ABHD17B: variants seen among roughly 807,000 people sequenced by gnomAD.
The protein encoded by ABHD17B is alpha/beta hydrolase domain-containing protein 17B.
ABHD17B carries 9 observed loss-of-function variants against 26.2 expected under a neutral mutation model. That is an observed-to-expected ratio of 0.34 (90% CI 0.21 to 0.60). The LOEUF (loss-of-function observed/expected upper bound fraction) is 0.60. Ranked by LOEUF, ABHD17B falls within the 20% of genes least tolerant of loss-of-function variation. The probability of loss-of-function intolerance (pLI) is 0.80; values close to 1 mark genes in which losing one functional copy is unlikely to be tolerated. For missense variants in ABHD17B, 224 were observed against 352.1 expected (o/e 0.64, Z 2.91); for synonymous variants, 127 against 122.3 (o/e 1.04, Z -0.25).
chr9:71,867,183 C>G (rs1825982745), intron 3 of ABHD17B, among the ~76,000 whole-genome samples, 177 bp from the exon 4 acceptor site: 1 of 152,128 alleles, frequency 6.6e-6, no homozygotes, highest in African/African-American at 2.4e-5. Context: ...ATACTCCCTA[C>G]CTTAAGATTA....
At chr9:71,894,738 A>G (rs1407126466) in intron 1 of ABHD17B, among the ~76,000 whole-genome samples, 1 of 152,166 alleles carries the variant, frequency 6.6e-6, no homozygotes, top group Non-Finnish European at 1.5e-5. Flanking sequence ...AGGTAGGAGA[A>G]TACTTGAGCC....
intron 1 of ABHD17B, among the ~76,000 whole-genome samples, chr9:71,900,386 C>T (rs944470618): frequency 6.6e-5 from 10 of 152,114 alleles, no homozygotes; most frequent in South Asian, 2.1e-4. Flanking sequence ...AATCAAGGTT[C>T]GGGGACGGTG....
intron 2 of ABHD17B, among the ~76,000 whole-genome samples, chr9:71,871,253 C>T (rs894834229): frequency 2.6e-5 from 4 of 152,108 alleles, no homozygotes; most frequent in Non-Finnish European, 4.4e-5. Context: ...CAGGAAAGAG[C>T]GAGGGAAACT....
At chr9:71,867,350 G>A (rs1007569664) in intron 3 of ABHD17B, among the ~76,000 whole-genome samples, 1 of 152,182 alleles carries the variant, frequency 6.6e-6, no homozygotes, top group Non-Finnish European at 1.5e-5. Context: ...TTTCAAGTAT[G>A]CGCTAATTTC....
chr9:71,873,200 A>G (rs2132134215), intron 2 of ABHD17B, among the ~76,000 whole-genome samples: 1 of 152,216 alleles, frequency 6.6e-6, no homozygotes, highest in African/African-American at 2.4e-5. Flanking sequence ...ATATTAAGGT[A>G]TCTGTTTATT....
rs1220216448 is a variant in ABHD17B at position 71,870,147 on chromosome 9, T to C, written c.583A>G (p.Thr195Ala). ...SAAVILHSPL[T>A]SGMRVAFPDT... Reference sequence around the variant, plus strand: ...GGAAAGGCAACTCGCATTCCCGAAGTCAGAGGAGAATGAAGAATAACAGCA... The same window carrying C: ...GGAAAGGCAACTCGCATTCCCGAAGCCAGAGGAGAATGAAGAATAACAGCA... The change falls in exon 3 of 4, where the codon ACT (threonine) becomes GCT (alanine). Residue 195 changes from threonine (T) to alanine (A), a missense_variant. Transcript: ENST00000333421. The C allele has an allele frequency of 6.2e-7, 1 of 1,614,058 alleles. No individual in the cohort carries two copies. Among genetic ancestry groups the C allele is most frequent in the East Asian group, 2.2e-5 (1 of 44,870 alleles).
At chr9:71,873,838 A>C (rs911783821) in intron 2 of ABHD17B, among the ~76,000 whole-genome samples, 21 of 152,200 alleles carry the variant, frequency 1.4e-4, no homozygotes, top group Non-Finnish European at 3.1e-4. Context: ...CAGCCTAAAA[A>C]ATTTTTTTAA....
Position 71,868,835 on chromosome 9 carries a change from C to T in ABHD17B, c.647+1248G>A, listed in dbSNP as rs376690662. On this transcript the variant is annotated intron_variant, in intron 3 of 3. Transcript: ENST00000333421. Reference sequence around the variant, plus strand: ...TCTCGAGTAGCTGGGATTACAGGCACGCATCACCATGCCTGGCTAATTTTT... The same window carrying T: ...TCTCGAGTAGCTGGGATTACAGGCATGCATCACCATGCCTGGCTAATTTTT... Among the ~76,000 whole-genome samples the T allele has an allele frequency of 1.1e-4, 17 of 152,186 alleles. 1 individual carries two copies. The highest frequency in any genetic ancestry group is 6.5e-4 in the Admixed American group (10 of 15,276).
chr9:71,897,061 T>C (rs968875301), intron 1 of ABHD17B, among the ~76,000 whole-genome samples: 2 of 152,236 alleles, frequency 1.3e-5, no homozygotes, highest in African/African-American at 2.4e-5. Flanking sequence ...GAAAGAATTT[T>C]AGGTGCCAAC....
At chr9:71,892,879 A>G (rs545490705) in intron 1 of ABHD17B, among the ~76,000 whole-genome samples, 61 of 152,198 alleles carry the variant, frequency 4.0e-4, no homozygotes, top group Non-Finnish European at 7.4e-4. Flanking sequence ...TGCAATTATC[A>G]CCAGATTTTA....
chr9:71,907,423 C>T (rs1827316619), intron 1 of ABHD17B, among the ~76,000 whole-genome samples: 1 of 152,054 alleles, frequency 6.6e-6, no homozygotes. Flanking sequence ...AGGAAGGATG[C>T]ATGTCAACTT....
At chr9:71,888,388 A>T (rs1181069219) in intron 1 of ABHD17B, among the ~76,000 whole-genome samples, 1 of 152,188 alleles carries the variant, frequency 6.6e-6, no homozygotes, top group Non-Finnish European at 1.5e-5. Context: ...CCTCAAACTC[A>T]AAGTTCATAG....
intron 1 of ABHD17B, among the ~76,000 whole-genome samples, chr9:71,895,408 C>T (rs1202482444): frequency 6.6e-6 from 1 of 152,148 alleles, no homozygotes; most frequent in Non-Finnish European, 1.5e-5. Context: ...ACTTACTTGC[C>T]TAAAGACTAT....
At chr9:71,910,144 T>C (rs1337240005) in intron 1 of ABHD17B, among the ~76,000 whole-genome samples, 1 of 151,918 alleles carries the variant, frequency 6.6e-6, no homozygotes, top group Non-Finnish European at 1.5e-5. Context: ...GCAGATTCAA[T>C]CTAAAATCGC....
Position 71,882,430 on chromosome 9 carries a change from G to A in ABHD17B, c.-3-7347C>T, listed in dbSNP as rs370798595. On this transcript the variant is annotated intron_variant, in intron 1 of 3. Transcript: ENST00000333421. ...TCCCAGTACTTTGGGAGGCCAAGGC[G>A]GGAGAATCCCCTGAGTTCAGGAGTT... Among the ~76,000 whole-genome samples the A allele has an allele frequency of 5.7e-3, 871 of 152,304 alleles. 7 individuals carry two copies. Among genetic ancestry groups the A allele is most frequent in the African/African-American group, 0.019 (806 of 41,572 alleles).
intron 1 of ABHD17B, among the ~76,000 whole-genome samples, chr9:71,899,791 A>G (rs1481579549): frequency 6.6e-6 from 1 of 152,082 alleles, no homozygotes; most frequent in Non-Finnish European, 1.5e-5. Context: ...TTTCGGGGAC[A>G]TCATATCCTA....
At chr9:71,905,667 A>G (rs371182435) in intron 1 of ABHD17B, among the ~76,000 whole-genome samples, 1 of 152,184 alleles carries the variant, frequency 6.6e-6, no homozygotes, top group Non-Finnish European at 1.5e-5. Context: ...TTTGGCTACT[A>G]TAATGAATGA....
Position 71,874,815 on chromosome 9 carries a change from T to G in ABHD17B, c.266A>C (p.Asn89Thr). 1 of 1,614,228 alleles carries G rather than the reference T, an allele frequency of 6.2e-7. No individual in the cohort carries two copies. Among genetic ancestry groups the G allele is most frequent in the Non-Finnish European group, 8.5e-7 (1 of 1,180,038 alleles). Residue 89 changes from asparagine (N) to threonine (T), a missense_variant, in exon 2 of 4, where the codon AAT (asparagine) becomes ACT (threonine). Physicochemically the swap from Asn to Thr is moderately conservative, Grantham distance 65. Coordinates refer to ENST00000333421, the MANE Select transcript of ABHD17B (RefSeq NM_001025780.3). ...TGAGAAGAGTAAAGTGTATTTCGCA[T>G]TGGGTGAACAACGTACAAACATACA... ...IACMFVRCSP[N>T]AKYTLLFSHG...
At chr9:71,863,240 T>A (rs1390815446), downstream of ABHD17B, among the ~76,000 whole-genome samples, 6 of 152,212 alleles carry the variant, frequency 3.9e-5, no homozygotes, top group Non-Finnish European at 7.3e-5. Flanking sequence ...GGGACCATTT[T>A]AGTCATCAGT....
Sources: allele counts gnomAD v4.1 joint callset (sites outside exome capture counted in the v4.1 genomes callset), GRCh38; gene constraint gnomAD v4.1.1; transcripts MANE v1.5; gene names NCBI Gene and HGNC (gene_info 2026-07-23, HGNC 2026-07-21).